Variants in ERO1B observed in about 807,000 individuals in gnomAD.
The protein encoded by ERO1B is endoplasmic reticulum oxidoreductase 1 beta, also known as ERO1-like protein beta.
In ERO1B, 49 loss-of-function variants were observed where a neutral mutation model predicts 75.3. That is an observed-to-expected ratio of 0.65 (90% CI 0.52 to 0.83). The LOEUF is 0.83. ERO1B is among the 40% of genes least tolerant of loss of function. The pLI is 0.00. For synonymous variants in ERO1B, 191 were observed against 192.9 expected (o/e 0.99, Z 0.08); for missense variants, 512 against 560.1 (o/e 0.91, Z 0.87).
In ERO1B at chr1:236,217,408, G is replaced by A. The variant is rs530001508; in HGVS notation, c.*1108C>T. Reference sequence around the variant, plus strand: ...GTTGGTATGAATCACAGAAAGTACCGTTTATATACAGTGAAAAGAAAAGGT... The same window carrying A: ...GTTGGTATGAATCACAGAAAGTACCATTTATATACAGTGAAAAGAAAAGGT... On this transcript the variant is annotated 3_prime_UTR_variant, in exon 16 of 16. Coordinates refer to ENST00000354619, the MANE Select transcript of ERO1B (RefSeq NM_019891.4). The A allele has an allele frequency of 8.6e-5, 13 of 151,474 alleles. No individual in the cohort carries two copies. The highest frequency in any genetic ancestry group is 7.8e-4 in the East Asian group (4 of 5,106). The allele number at this position is 151,474 out of a possible 1,614,324, so 9.4% of individuals were successfully genotyped here.
At chr1:236,273,133 G>T (rs1665633905) in intron 1 of ERO1B, among the ~76,000 whole-genome samples, 1 of 152,136 alleles carries the variant, frequency 6.6e-6, no homozygotes, top group African/African-American at 2.4e-5. Context: ...ATTCAGGTGA[G>T]ATGAGTTCTT....
chr1:236,243,943 A>C (rs570992387), intron 5 of ERO1B, among the ~76,000 whole-genome samples: 2 of 152,278 alleles, frequency 1.3e-5, no homozygotes, highest in Admixed American at 1.3e-4. Flanking sequence ...GTATTTCTAT[A>C]ATCTCCCATC....
intron 2 of ERO1B, among the ~76,000 whole-genome samples, chr1:236,254,985 C>T (rs1056889635): frequency 6.6e-6 from 1 of 151,758 alleles, no homozygotes; most frequent in African/African-American, 2.4e-5. Flanking sequence ...TGCAGTGGCA[C>T]GAACCTGGCT....
chr1:236,267,911 C>G (rs1338821983), intron 2 of ERO1B: 1 of 152,044 alleles, frequency 6.6e-6, no homozygotes, highest in Non-Finnish European at 1.5e-5. Flanking sequence ...TCCATCCACT[C>G]CTCGCATCGA....
In ERO1B at chr1:236,217,225, C is replaced by T. The variant is rs937211805; in HGVS notation, c.*1291G>A. On this transcript the variant is annotated 3_prime_UTR_variant, in exon 16 of 16. Transcript: ENST00000354619. ...AAGAGTCTAAGGAAAAACTCTAGATCTTGTACCTGCATTACTTCTACACAG... is the reference window on the plus strand; with the variant it reads ...AAGAGTCTAAGGAAAAACTCTAGATTTTGTACCTGCATTACTTCTACACAG... The T allele has an allele frequency of 6.6e-6, 1 of 152,038 alleles. No homozygotes were observed. The highest frequency in any genetic ancestry group is 1.5e-5 in the Non-Finnish European group (1 of 67,952). 9.4% of individuals were successfully genotyped at this position (152,038 alleles called of 1,614,324 possible).
chr1:236,272,518 A>G (rs1335159421), intron 1 of ERO1B, among the ~76,000 whole-genome samples: 1 of 152,208 alleles, frequency 6.6e-6, no homozygotes, highest in African/African-American at 2.4e-5. Context: ...CTGAGTATAC[A>G]TGAACATAAG....
intron 10 of ERO1B, among the ~76,000 whole-genome samples, 169 bp from the exon 11 acceptor site, chr1:236,226,908 G>T (rs1451179630): frequency 6.6e-6 from 1 of 152,172 alleles, no homozygotes; most frequent in African/African-American, 2.4e-5. Flanking sequence ...GGCAAAGTAA[G>T]ATTTTGGCTT....
chr1:236,228,249 A>G (rs139561721), intron 10 of ERO1B, among the ~76,000 whole-genome samples: 128 of 152,328 alleles, frequency 8.4e-4, no homozygotes, highest in Non-Finnish European at 1.2e-3. Context: ...TACCACTGCA[A>G]TGAGGTAGGG....
At position 236,281,813 on chromosome 1, in the gene ERO1B, G is replaced by A. The variant is rs1665843462; in HGVS notation, c.-30C>T. The A allele has an allele frequency of 5.8e-6, 8 of 1,386,100 alleles. No individual in the cohort carries two copies. The highest frequency in any genetic ancestry group is 1.5e-5 in the African/African-American group (1 of 66,644). 85.9% of individuals were successfully genotyped at this position (1,386,100 alleles called of 1,614,324 possible). A position where few individuals can be genotyped will look rare whatever the true frequency, so the allele number is the denominator to read the frequency against. ...ACCTCTACCCACACCGCGGCCAGCC[G>A]GACCCCTCGGGGCCGGGGAACGACG... On this transcript the variant is annotated 5_prime_UTR_variant, in exon 1 of 16. Coordinates refer to ENST00000354619, the MANE Select transcript of ERO1B (RefSeq NM_019891.4).
intron 4 of ERO1B, among the ~76,000 whole-genome samples, chr1:236,250,385 T>G (rs1664987202): frequency 1.3e-5 from 2 of 151,748 alleles, no homozygotes; most frequent in Admixed American, 1.3e-4. Context: ...GGCAGGAGAA[T>G]TGCTTGAACC....
At chr1:236,277,541 C>CTAACAT (rs1211614336) in intron 1 of ERO1B, among the ~76,000 whole-genome samples, 2 of 151,998 alleles carry the variant, frequency 1.3e-5, no homozygotes, top group African/African-American at 4.8e-5. Flanking sequence ...GGAATGAGAC[C>CTAACAT]TAACATACAA....
At chr1:236,222,945 C>A (rs111731169) in intron 13 of ERO1B, among the ~76,000 whole-genome samples, 3,465 of 152,188 alleles carry the variant, frequency 0.023, 121 homozygotes, top group African/African-American at 0.079. Context: ...GTGGCTCACG[C>A]CTGTAATCCC....
At position 236,226,690 on chromosome 1, in the gene ERO1B, A is replaced by G. The variant is rs747024139; in HGVS notation, c.762T>C (p.His254=). ...CGCATAGATGTAAATTGATGCTAGC[A>G]TGAAGTCCCGATATAAGCTTATAGA... The part of the protein sequence containing the change: ...RVFYKLISGL[H]ASINLHLCAN... Residue 254 remains histidine, a synonymous_variant, in exon 11 of 16, where the codon CAT becomes CAC. Coordinates refer to ENST00000354619, the MANE Select transcript of ERO1B (RefSeq NM_019891.4). The G allele has an allele frequency of 1.8e-5, 29 of 1,612,960 alleles. No homozygotes were observed. Among genetic ancestry groups the G allele is most frequent in the South Asian group, 1.2e-4 (11 of 90,622 alleles).
intron 2 of ERO1B, among the ~76,000 whole-genome samples, chr1:236,266,950 C>T (rs554881980): frequency 2.6e-4 from 40 of 152,304 alleles, no homozygotes; most frequent in African/African-American, 9.1e-4. Context: ...TGTTGAGTAG[C>T]CAAGAACCAC....
chr1:236,219,339 C>T (rs1216550546), intron 15 of ERO1B, among the ~76,000 whole-genome samples: 1 of 152,102 alleles, frequency 6.6e-6, no homozygotes, highest in African/African-American at 2.4e-5. Context: ...TTTAGGACCC[C>T]TGATTCTGAG....
chr1:236,250,264 G>A (rs1243777187), intron 4 of ERO1B, among the ~76,000 whole-genome samples: 1 of 151,980 alleles, frequency 6.6e-6, no homozygotes, highest in Non-Finnish European at 1.5e-5. Flanking sequence ...GAGGTCAGGA[G>A]TTCAAGACCA....
chr1:236,221,181 T>C (rs189498713), intron 14 of ERO1B, among the ~76,000 whole-genome samples: 413 of 152,282 alleles, frequency 2.7e-3, no homozygotes, highest in Non-Finnish European at 4.2e-3. Flanking sequence ...TTAACACTTA[T>C]TGAATACATA....
Position 236,226,506 on chromosome 1 carries a change from C to G in ERO1B, c.815G>C (p.Gly272Ala). 1 of 1,610,662 alleles carries G rather than the reference C, an allele frequency of 6.2e-7. No individual in the cohort carries two copies. The highest frequency in any genetic ancestry group is 8.5e-7 in the Non-Finnish European group (1 of 1,179,282). Residue 272 changes from glycine to alanine, a missense_variant, in exon 12 of 16, where the codon GGT becomes GCT. Coordinates refer to ENST00000354619, the MANE Select transcript of ERO1B (RefSeq NM_019891.4). ...CANYLLEETW[G>A]KPSWGPNIKE... ...AATATTAGGTCCCCAACTGGGCTTACCCCAGGTTTCTAAAGAGAAAGAGAA... is the reference window on the plus strand; with the variant it reads ...AATATTAGGTCCCCAACTGGGCTTAGCCCAGGTTTCTAAAGAGAAAGAGAA...
chr1:236,232,558 G>A (rs1207412955), intron 9 of ERO1B, among the ~76,000 whole-genome samples: 1 of 151,748 alleles, frequency 6.6e-6, no homozygotes, highest in Non-Finnish European at 1.5e-5. Context: ...ACATATTCAA[G>A]TAAATTATAT....
Sources: allele counts gnomAD v4.1 joint callset (sites outside exome capture counted in the v4.1 genomes callset), GRCh38; gene constraint gnomAD v4.1.1; transcripts MANE v1.5; gene names NCBI Gene and HGNC (gene_info 2026-07-23, HGNC 2026-07-21).